Variants in TPST1 observed in about 807,000 individuals in gnomAD.
TPST1 encodes the protein protein-tyrosine sulfotransferase 1.
TPST1 carries 20 observed loss-of-function variants against 34.8 expected under a neutral mutation model. The observed-to-expected ratio is 0.57, with a 90% CI of 0.40 to 0.84. The LOEUF (loss-of-function observed/expected upper bound fraction) is 0.84. Ranked by LOEUF, TPST1 falls within the 40% of genes least tolerant of loss-of-function variation. The pLI is 0.00. For missense variants in TPST1, 353 were observed against 455.5 expected, an observed-to-expected ratio of 0.78 and a Z score of 2.05; for synonymous variants, 152 against 159.4, an observed-to-expected ratio of 0.95 and a Z score of 0.35.
chr7:66,242,671 T>A (rs1302797688), intron 2 of TPST1, among the ~76,000 whole-genome samples: 2 of 152,240 alleles, frequency 1.3e-5, no homozygotes, highest in East Asian at 3.8e-4. Context: ...TGTGCTTGTA[T>A]GTTGGCCCGG....
At chr7:66,276,365 CATATATAT>C (rs138862941) in intron 2 of TPST1, among the ~76,000 whole-genome samples, 1 of 90,870 alleles carries the variant, frequency 1.1e-5, no homozygotes. Flanking sequence ...AAAAACATTT[CATATATAT>C]ATATATATGT....
At chr7:66,240,009 G>A (rs541557116) in intron 1 of TPST1, among the ~76,000 whole-genome samples, 2 of 152,092 alleles carry the variant, frequency 1.3e-5, no homozygotes, top group South Asian at 4.2e-4. Context: ...AGCCTCCCGA[G>A]TAGCTGGGAC....
chr7:66,328,011 C>CCTTTCCT (rs1791905167), intron 3 of TPST1, among the ~76,000 whole-genome samples: 1 of 39,486 alleles, frequency 2.5e-5, no homozygotes, highest in Non-Finnish European at 4.4e-5. Context: ...TTTTCCTTTC[C>CCTTTCCT]TTTTTTTTTT....
chr7:66,216,146 T>C (rs930541174), intron 1 of TPST1, among the ~76,000 whole-genome samples: 74 of 152,334 alleles, frequency 4.9e-4, no homozygotes, highest in African/African-American at 1.7e-3. Flanking sequence ...TTTTAATATT[T>C]TCTTGAGTCA....
At chr7:66,219,941 A>G (rs1789505661) in intron 1 of TPST1, among the ~76,000 whole-genome samples, 1 of 152,202 alleles carries the variant, frequency 6.6e-6, no homozygotes, top group Non-Finnish European at 1.5e-5. Flanking sequence ...AAGGGATTGC[A>G]AAAAAGATTT....
At chr7:66,352,592 A>G in intron 4 of TPST1, 37 bp downstream of exon 4, 2 of 1,599,836 alleles carry the variant, frequency 1.3e-6, no homozygotes, top group South Asian at 2.3e-5. Context: ...TGTATACTAG[A>G]TTGGCTCTTG....
At chr7:66,233,086 T>G (rs1343509950) in intron 1 of TPST1, among the ~76,000 whole-genome samples, 3 of 152,242 alleles carry the variant, frequency 2.0e-5, no homozygotes, top group African/African-American at 7.2e-5. Flanking sequence ...AATAGTTTTT[T>G]ACGTGTTCTG....
intron 1 of TPST1, among the ~76,000 whole-genome samples, chr7:66,225,237 A>G (rs929401795): frequency 6.6e-6 from 1 of 151,696 alleles, no homozygotes; most frequent in Admixed American, 6.6e-5. Flanking sequence ...TTCTTTTTAG[A>G]TCAACCTTAG....
intron 3 of TPST1, among the ~76,000 whole-genome samples, chr7:66,343,345 C>G (rs1002834155): frequency 1.3e-5 from 2 of 152,060 alleles, no homozygotes; most frequent in East Asian, 3.8e-4. Flanking sequence ...TAAGTGGGAG[C>G]TAGACATTGG....
intron 1 of TPST1, among the ~76,000 whole-genome samples, chr7:66,229,632 T>C (rs1256177003): frequency 6.6e-6 from 1 of 152,216 alleles, no homozygotes; most frequent in Non-Finnish European, 1.5e-5. Flanking sequence ...TTTCATTTAC[T>C]AGGATAAATG....
intron 3 of TPST1, among the ~76,000 whole-genome samples, chr7:66,296,257 CT>C (rs56728150): frequency 0.21 from 23,375 of 113,032 alleles, 3,595 homozygotes; most frequent in African/African-American, 0.27. Flanking sequence ...TCCCCCCCCC[CT>C]CCCCCACCGT....
intron 1 of TPST1, among the ~76,000 whole-genome samples, chr7:66,238,328 T>C (rs1239082837): frequency 6.6e-6 from 1 of 152,076 alleles, no homozygotes; most frequent in Admixed American, 6.6e-5. Flanking sequence ...TATTTTGTCA[T>C]GCTTTAAGGC....
At chr7:66,273,856 G>A (rs946957265) in intron 2 of TPST1, among the ~76,000 whole-genome samples, 1 of 151,956 alleles carries the variant, frequency 6.6e-6, no homozygotes, top group Non-Finnish European at 1.5e-5. Context: ...AGGCTGGAGT[G>A]CAGTGGTGTG....
At chr7:66,297,062 G>A (rs1300627291) in intron 3 of TPST1, among the ~76,000 whole-genome samples, 3 of 152,134 alleles carry the variant, frequency 2.0e-5, no homozygotes, top group Non-Finnish European at 2.9e-5. Context: ...TATACCAGAA[G>A]TCCATCAGAT....
chr7:66,352,596 G>T, intron 4 of TPST1, 41 bp downstream of exon 4: 5 of 1,593,344 alleles, frequency 3.1e-6, no homozygotes, highest in Non-Finnish European at 4.3e-6. Context: ...TACTAGATTG[G>T]CTCTTGCATT....
At chr7:66,278,354 C>T (rs868421264) in intron 2 of TPST1, among the ~76,000 whole-genome samples, 1 of 151,930 alleles carries the variant, frequency 6.6e-6, no homozygotes, top group Non-Finnish European at 1.5e-5. Flanking sequence ...CTGAGGCTGC[C>T]GTGCGGGTAA....
At chr7:66,270,380 C>T (rs1237200983) in intron 2 of TPST1, among the ~76,000 whole-genome samples, 1 of 152,190 alleles carries the variant, frequency 6.6e-6, no homozygotes, top group African/African-American at 2.4e-5. Flanking sequence ...AGAACCATAT[C>T]AGTCAGTCCA....
At chr7:66,269,375 G>A (rs974620784) in intron 2 of TPST1, among the ~76,000 whole-genome samples, 1 of 152,198 alleles carries the variant, frequency 6.6e-6, no homozygotes, top group African/African-American at 2.4e-5. Flanking sequence ...GAATTCAGCA[G>A]TGTAGCAAAA....
At chr7:66,269,635 C>T (rs1294022173) in intron 2 of TPST1, among the ~76,000 whole-genome samples, 1 of 152,186 alleles carries the variant, frequency 6.6e-6, no homozygotes, top group Non-Finnish European at 1.5e-5. Flanking sequence ...TTTTACTAAG[C>T]ATCCATTATA....
Sources: allele counts gnomAD v4.1 joint callset (sites outside exome capture counted in the v4.1 genomes callset), GRCh38; gene constraint gnomAD v4.1.1; transcripts MANE v1.5; gene names NCBI Gene and HGNC (gene_info 2026-07-23, HGNC 2026-07-21).